The following RCHY1 variants were observed in gnomAD, a reference collection of about 807,000 sequenced individuals.
The protein encoded by RCHY1 is RING finger and CHY zinc finger domain-containing protein 1.
Under a neutral mutation model 41.6 loss-of-function variants are expected in RCHY1, and 21 were observed. The observed-to-expected ratio is 0.51, with a 90% confidence interval of 0.36 to 0.73. The LOEUF (loss-of-function observed/expected upper bound fraction) is 0.73, where lower values mean the gene tolerates loss of function less well. RCHY1 is among the 30% of genes least tolerant of loss of function. The probability of loss-of-function intolerance (pLI) is 0.00; values close to 1 mark genes in which losing one functional copy is unlikely to be tolerated. For synonymous variants in RCHY1, 79 were observed against 102.9 expected (o/e 0.77, Z 1.41); for missense variants, 265 against 325.3 (o/e 0.81, Z 1.43).
At chr4:75,503,881 A>G (rs1396777873) in intron 3 of RCHY1, among the ~76,000 whole-genome samples, 1 of 152,166 alleles carries the variant, frequency 6.6e-6, no homozygotes, top group African/African-American at 2.4e-5. Flanking sequence ...AAGTGGACAA[A>G]CGTTGAAGGC....
intron 1 of RCHY1, 46 bp downstream of exon 1, chr4:75,514,151 C>T: frequency 6.3e-7 from 1 of 1,583,164 alleles, no homozygotes. Context: ...CGCCCCAGCC[C>T]AACCTGACGG....
In RCHY1 at chr4:75,514,309, C is replaced by T; in HGVS notation, c.-23G>A. 6.2e-7 allele frequency: 1 copy of T among 1,602,534 alleles called. No individual in the cohort carries two copies. The highest frequency in any genetic ancestry group is 8.5e-7 in the Non-Finnish European group (1 of 1,171,046). On this transcript the variant is annotated 5_prime_UTR_variant, in exon 1 of 9. Transcript: ENST00000324439. ...CATCTCCTCCACCTCCCCTCACATT[C>T]CACCGATCCTTCCCCCAGGATAAAA...
intron 3 of RCHY1, among the ~76,000 whole-genome samples, chr4:75,497,505 A>G (rs1317366306): frequency 6.6e-6 from 1 of 152,126 alleles, no homozygotes; most frequent in Admixed American, 6.6e-5. Flanking sequence ...CTCTGACCAC[A>G]TGGCAGAGCC....
At chr4:75,500,182 C>T (rs1217096011) in intron 3 of RCHY1, among the ~76,000 whole-genome samples, 1 of 152,128 alleles carries the variant, frequency 6.6e-6, no homozygotes, top group African/African-American at 2.4e-5. Context: ...ACCCAATTAG[C>T]CTGATTTGAT....
chr4:75,513,958 T>C (rs1725246758), intron 1 of RCHY1: 2 of 481,882 alleles, frequency 4.2e-6, no homozygotes, highest in East Asian at 7.0e-5. Context: ...GAGACCACTG[T>C]GCAAGCCTAA....
chr4:75,487,249 A>C (rs946251327), intron 8 of RCHY1, among the ~76,000 whole-genome samples: 5 of 141,878 alleles, frequency 3.5e-5, no homozygotes, highest in Non-Finnish European at 7.6e-5. Flanking sequence ...TGTAGTATTA[A>C]TAAGACAGTT....
At chr4:75,508,691 CACTT>C (rs749876880) in intron 3 of RCHY1, 125 bp downstream of exon 3, 10 of 504,502 alleles carry the variant, frequency 2.0e-5, no homozygotes, top group Non-Finnish European at 3.5e-5. Flanking sequence ...TATCAAAACT[CACTT>C]AATTGGACAC....
At position 75,482,486 on chromosome 4, in the gene RCHY1, A is replaced by G; in HGVS notation, c.*52T>C. The G allele has an allele frequency of 6.6e-7, 1 of 1,518,740 alleles. No homozygotes were observed. The highest frequency in any genetic ancestry group is 8.9e-7 in the Non-Finnish European group (1 of 1,128,440). The allele number at this position is 1,518,740 out of a possible 1,614,324, so 94.1% of individuals were successfully genotyped here. ...CACATGATAACACGATACCAAGGAA[A>G]GCCTTTTTCTATATCAGAAAATGCC... On this transcript the variant is annotated 3_prime_UTR_variant, in exon 9 of 9. Coordinates refer to ENST00000324439, the MANE Select transcript of RCHY1 (RefSeq NM_015436.4).
At chr4:75,494,075 A>T (rs889655674) in intron 4 of RCHY1, 26 bp downstream of exon 4, 5 of 1,317,258 alleles carry the variant, frequency 3.8e-6, no homozygotes, top group South Asian at 2.7e-5. Flanking sequence ...TAATATTTTT[A>T]AAATTATACA....
intron 1 of RCHY1, among the ~76,000 whole-genome samples, chr4:75,512,060 T>C (rs751577262): frequency 2.6e-5 from 4 of 152,176 alleles, no homozygotes; most frequent in Non-Finnish European, 5.9e-5. Context: ...TCTACACTCA[T>C]AGATAACAAT....
chr4:75,498,999 C>A (rs1269206201), intron 3 of RCHY1, among the ~76,000 whole-genome samples: 3 of 151,966 alleles, frequency 2.0e-5, no homozygotes, highest in African/African-American at 7.3e-5. Flanking sequence ...AAGAGACAAC[C>A]CACAGAATGA....
intron 3 of RCHY1, among the ~76,000 whole-genome samples, chr4:75,501,241 T>G (rs1209193329): frequency 1.3e-5 from 2 of 152,200 alleles, no homozygotes; most frequent in African/African-American, 4.8e-5. Flanking sequence ...ACTCCCAACC[T>G]CAGGTGATCT....
intron 8 of RCHY1, among the ~76,000 whole-genome samples, chr4:75,487,626 TCA>T (rs1722234415): frequency 2.2e-5 from 1 of 45,202 alleles, no homozygotes; most frequent in Non-Finnish European, 3.5e-5. Context: ...ATATATATAT[TCA>T]TAATATATAT....
chr4:75,483,853 T>C (rs1721751999), intron 8 of RCHY1, among the ~76,000 whole-genome samples: 1 of 152,148 alleles, frequency 6.6e-6, no homozygotes. Context: ...TAACCAAAAA[T>C]TATCTAGCCA....
At chr4:75,508,799 A>T (rs892005928) in intron 3 of RCHY1, 21 bp downstream of exon 3, 1 of 1,394,956 alleles carries the variant, frequency 7.2e-7, no homozygotes, top group Non-Finnish European at 1.0e-6. Flanking sequence ...CAATTAGATA[A>T]GAACACTTTA....
chr4:75,501,438 CA>C (rs1723751693), intron 3 of RCHY1, among the ~76,000 whole-genome samples: 1 of 152,068 alleles, frequency 6.6e-6, no homozygotes, highest in Admixed American at 6.5e-5. Flanking sequence ...TTTTAAAAAT[CA>C]AAAGAACTCA....
At position 75,482,435 on chromosome 4, in the gene RCHY1, C is replaced by T. The variant is rs1262889660; in HGVS notation, c.*103G>A. ...TATGCTGTGACACTAGTACAAAACA[C>T]ATCAACTCTAATGCATAGATGACGA... is the stretch of plus-strand genomic sequence containing the variant. On this transcript the variant is annotated 3_prime_UTR_variant, in exon 9 of 9. Transcript: ENST00000324439. The T allele has an allele frequency of 6.5e-6, 7 of 1,078,454 alleles. No homozygotes were observed. Among genetic ancestry groups the T allele is most frequent in the South Asian group, 2.2e-5 (1 of 45,310 alleles). 66.8% of individuals were successfully genotyped at this position (1,078,454 alleles called of 1,614,324 possible). A position where few individuals can be genotyped will look rare whatever the true frequency, so the allele number is the denominator to read the frequency against.
intron 3 of RCHY1, among the ~76,000 whole-genome samples, chr4:75,501,100 C>G (rs1399266058): frequency 6.6e-6 from 1 of 152,164 alleles, no homozygotes; most frequent in Non-Finnish European, 1.5e-5. Context: ...ACCTCCCGCC[C>G]ACGGGTTCAA....
At chr4:75,487,164 G>C (rs1722091531) in intron 8 of RCHY1, among the ~76,000 whole-genome samples, 1 of 151,912 alleles carries the variant, frequency 6.6e-6, no homozygotes, top group African/African-American at 2.4e-5. Context: ...TTGTTTACAA[G>C]GTTTTATTAA....
Sources: gnomAD v4.1 joint callset for allele counts (sites outside exome capture counted in the v4.1 genomes callset) on GRCh38, gnomAD v4.1.1 for gene constraint, MANE v1.5 for transcripts, NCBI Gene and HGNC (gene_info 2026-07-23, HGNC 2026-07-21) for gene names.